Variants in SMYD3 observed in about 807,000 individuals in gnomAD.
SMYD3 encodes SET and MYND domain containing 3, also known as histone-lysine N-methyltransferase SMYD3.
A neutral mutation model predicts 57.7 loss-of-function variants in SMYD3; 36 were observed. The ratio of observed to expected loss-of-function variants is 0.62; its 90% CI spans 0.48 to 0.82. SMYD3 has a LOEUF of 0.82. Among genes scored for constraint, SMYD3 ranks in the 40% least tolerant of loss-of-function variants. The pLI is 0.00. For missense variants in SMYD3, 515 were observed against 538.8 expected (o/e 0.96, Z 0.44); for synonymous variants, 211 against 195.0 (o/e 1.08, Z -0.68).
chr1:246,445,047 T>C (rs1390233160), intron 1 of SMYD3, among the ~76,000 whole-genome samples: 2 of 152,196 alleles, frequency 1.3e-5, no homozygotes, highest in African/African-American at 4.8e-5. Context: ...ACTATTGATG[T>C]TGATGATGGC....
intron 5 of SMYD3, among the ~76,000 whole-genome samples, chr1:246,173,825 G>A (rs2062386340): frequency 6.6e-6 from 1 of 151,206 alleles, no homozygotes; most frequent in Non-Finnish European, 1.5e-5. Flanking sequence ...TTTTTTTTCT[G>A]AGACAGGGTC....
intron 7 of SMYD3, among the ~76,000 whole-genome samples, chr1:245,923,122 C>T (rs529648533): frequency 4.6e-5 from 7 of 152,150 alleles, no homozygotes; most frequent in Non-Finnish European, 1.0e-4. Flanking sequence ...ACTCACACTA[C>T]AGCAACAGTG....
intron 5 of SMYD3, among the ~76,000 whole-genome samples, chr1:245,991,009 G>A (rs1468924654): frequency 6.6e-6 from 1 of 152,194 alleles, no homozygotes; most frequent in East Asian, 1.9e-4. Flanking sequence ...ATCGTAAGTT[G>A]AAGTCAATTA....
At chr1:246,017,169 T>A (rs1193805263) in intron 5 of SMYD3, among the ~76,000 whole-genome samples, 2 of 152,196 alleles carry the variant, frequency 1.3e-5, no homozygotes, top group African/African-American at 2.4e-5. Flanking sequence ...TTATTCTTTT[T>A]TTTTATTTTG....
At position 246,333,782 on chromosome 1, in the gene SMYD3, A is replaced by C. The variant is rs974973625; in HGVS notation, c.336+1585T>G. 5.3e-5 allele frequency among the ~76,000 whole-genome samples: 8 copies of C among 152,070 alleles called. No homozygotes were observed. In the East Asian group the frequency reaches 1.5e-3, roughly 29 times the overall value. On this transcript the variant is annotated intron_variant, in intron 3 of 11. Coordinates refer to ENST00000490107, the MANE Select transcript of SMYD3 (RefSeq NM_001167740.2). ...GCACCTGTGGTCCCAGCTACTCGGG[A>C]AGCTGAGGTAGGAGGACTGCTTGAG...
At chr1:246,134,249 A>ATTCTCT (rs1431924061) in intron 5 of SMYD3, among the ~76,000 whole-genome samples, 1 of 152,084 alleles carries the variant, frequency 6.6e-6, no homozygotes, top group African/African-American at 2.4e-5. Flanking sequence ...ACTTGGAAAT[A>ATTCTCT]TTCTCTTTTA....
At chr1:246,348,077 T>TATATATATATATATACACATAC in intron 2 of SMYD3, among the ~76,000 whole-genome samples, 8 of 86,488 alleles carry the variant, frequency 9.2e-5, no homozygotes, top group African/African-American at 3.2e-4. Flanking sequence ...TATATATATA[T>TATATATATATATATACACATAC]ACACACACAC....
intron 1 of SMYD3, among the ~76,000 whole-genome samples, chr1:246,436,958 G>C (rs1236242820): frequency 1.4e-5 from 2 of 144,820 alleles, no homozygotes; most frequent in African/African-American, 5.1e-5. Flanking sequence ...GAAGTGCAGT[G>C]ACACAATCTC....
intron 5 of SMYD3, among the ~76,000 whole-genome samples, chr1:246,184,356 TG>T (rs1280413686): frequency 6.6e-6 from 1 of 152,204 alleles, no homozygotes; most frequent in Non-Finnish European, 1.5e-5. Context: ...TAAATAGGAA[TG>T]GGTCAGTATA....
At chr1:245,816,566 C>T (rs2048814497) in intron 10 of SMYD3, among the ~76,000 whole-genome samples, 1 of 140,232 alleles carries the variant, frequency 7.1e-6, no homozygotes, top group Non-Finnish European at 1.5e-5. Context: ...CGAATAGGAA[C>T]AGCTCCAGTC....
At chr1:246,427,377 G>A (rs1394942282) in intron 1 of SMYD3, among the ~76,000 whole-genome samples, 7 of 151,304 alleles carry the variant, frequency 4.6e-5, no homozygotes, top group Admixed American at 2.6e-4. Context: ...AAAATTAGCC[G>A]GGCGTAGTGG....
At chr1:246,322,986 T>C (rs1428682700) in intron 5 of SMYD3, among the ~76,000 whole-genome samples, 1 of 152,236 alleles carries the variant, frequency 6.6e-6, no homozygotes, top group Admixed American at 6.5e-5. Context: ...GGTTGATATA[T>C]TTCCCTCAGG....
intron 9 of SMYD3, among the ~76,000 whole-genome samples, chr1:245,863,260 G>A (rs896530926): frequency 1.5e-4 from 23 of 152,164 alleles, no homozygotes; most frequent in African/African-American, 5.6e-4. Context: ...CATTAGTGGA[G>A]CCTTCCCAGA....
chr1:245,911,425 T>C lies in SMYD3; in HGVS notation c.813+4105A>G, dbSNP rs1183697691. Among the ~76,000 whole-genome samples the C allele has an allele frequency of 3.3e-5, 5 of 151,940 alleles. No homozygotes were observed. The East Asian group carries it at 9.6e-4, about 29-fold the overall frequency. On this transcript the variant is annotated intron_variant, in intron 8 of 11. Transcript: ENST00000490107. ...GAGAGATCTGCACTCCCATGTTTAT[T>C]GCTGCACTATTCAAAATAGCCAAGG... is the stretch of plus-strand genomic sequence containing the variant.
intron 5 of SMYD3, among the ~76,000 whole-genome samples, chr1:246,310,988 G>A (rs2065067413): frequency 6.6e-6 from 1 of 152,042 alleles, no homozygotes; most frequent in Non-Finnish European, 1.5e-5. Flanking sequence ...GCTTTAAAGA[G>A]CCTACTCAAC....
chr1:246,423,628 G>A (rs1306176734), intron 1 of SMYD3, among the ~76,000 whole-genome samples: 1 of 151,994 alleles, frequency 6.6e-6, no homozygotes, highest in Non-Finnish European at 1.5e-5. Flanking sequence ...TTGAGGCCAG[G>A]AGTTTAAAAC....
At chr1:245,966,039 G>C (rs749790094) in intron 5 of SMYD3, among the ~76,000 whole-genome samples, 1 of 152,082 alleles carries the variant, frequency 6.6e-6, no homozygotes, top group African/African-American at 2.4e-5. Flanking sequence ...AACATAAAAC[G>C]GTTCTCAAAT....
At chr1:246,276,680 T>C (rs1243826105) in intron 5 of SMYD3, among the ~76,000 whole-genome samples, 2 of 150,658 alleles carry the variant, frequency 1.3e-5, no homozygotes, top group Admixed American at 1.3e-4. Flanking sequence ...ATACTAACTC[T>C]GTTTTTCACT....
intron 5 of SMYD3, among the ~76,000 whole-genome samples, chr1:245,939,399 G>C (rs568938675): frequency 4.6e-5 from 7 of 152,124 alleles, no homozygotes; most frequent in Non-Finnish European, 8.8e-5. Flanking sequence ...GCCAAGGCGG[G>C]TGGATCACGA....
Sources: allele counts gnomAD v4.1 joint callset (sites outside exome capture counted in the v4.1 genomes callset), GRCh38; gene constraint gnomAD v4.1.1; transcripts MANE v1.5; gene names NCBI Gene and HGNC (gene_info 2026-07-23, HGNC 2026-07-21).